SLC2A13: variants seen among roughly 807,000 people sequenced by gnomAD.
SLC2A13 encodes the protein solute carrier family 2 member 13.
A neutral mutation model predicts 64.4 loss-of-function variants in SLC2A13; 32 were observed. The ratio of observed to expected loss-of-function variants is 0.50; its 90% CI spans 0.37 to 0.67. SLC2A13 has a LOEUF of 0.67. Among genes scored for constraint, SLC2A13 ranks in the 30% least tolerant of loss-of-function variants. The pLI is 0.00. For synonymous variants in SLC2A13, 338 were observed against 327.1 expected (o/e 1.03, Z -0.36); for missense variants, 743 against 829.2 (o/e 0.90, Z 1.28).
chr12:39,826,433 T>A (rs1350896234), intron 7 of SLC2A13, among the ~76,000 whole-genome samples: 1 of 151,430 alleles, frequency 6.6e-6, no homozygotes, highest in African/African-American at 2.4e-5. Context: ...AAAACAGTTA[T>A]ATTTAGATGT....
At chr12:39,995,741 T>G (rs112141863) in intron 3 of SLC2A13, among the ~76,000 whole-genome samples, 1 of 152,198 alleles carries the variant, frequency 6.6e-6, no homozygotes, top group East Asian at 1.9e-4. Context: ...TGAGAGGTCA[T>G]TGAATCATGG....
chr12:39,896,142 CTA>C (rs990720741), intron 4 of SLC2A13, among the ~76,000 whole-genome samples: 4 of 141,134 alleles, frequency 2.8e-5, no homozygotes, highest in African/African-American at 1.1e-4. Context: ...ACACGTGTAC[CTA>C]TATATGTATA....
In SLC2A13 at chr12:39,978,463, C is replaced by T. The variant is rs536451722; in HGVS notation, c.926-27098G>A. Among the ~76,000 whole-genome samples the T allele has an allele frequency of 1.9e-3, 285 of 150,916 alleles. 3 individuals are homozygous for T. The highest frequency in any genetic ancestry group is 5.4e-4 in the Non-Finnish European group (36 of 67,116). ...GACAGTGGGCGCAGGCCAGTGGGTG[C>T]GCGCACCGTGCGCGAGCCGAAGCAG... On this transcript the variant is annotated intron_variant, in intron 3 of 9. Coordinates refer to ENST00000280871, the MANE Select transcript of SLC2A13 (RefSeq NM_052885.4).
At chr12:40,003,395 C>T (rs948537735) in intron 3 of SLC2A13, among the ~76,000 whole-genome samples, 2 of 152,092 alleles carry the variant, frequency 1.3e-5, no homozygotes, top group African/African-American at 2.4e-5. Flanking sequence ...AGAGGAGAGA[C>T]AAAAACAACA....
chr12:39,852,692 G>A (rs925314558), intron 6 of SLC2A13, among the ~76,000 whole-genome samples: 2 of 152,158 alleles, frequency 1.3e-5, no homozygotes, highest in Non-Finnish European at 2.9e-5. Context: ...AGGAACAAAA[G>A]GATCAGAGGC....
intron 6 of SLC2A13, among the ~76,000 whole-genome samples, chr12:39,862,086 C>T (rs1943777860): frequency 6.6e-6 from 1 of 152,106 alleles, no homozygotes; most frequent in African/African-American, 2.4e-5. Context: ...TCCTTGTGTC[C>T]CTATGTTCTC....
intron 7 of SLC2A13, among the ~76,000 whole-genome samples, chr12:39,813,462 C>A (rs1465546969): frequency 6.6e-6 from 1 of 152,090 alleles, no homozygotes; most frequent in Non-Finnish European, 1.5e-5. Context: ...TACTCTGAAG[C>A]AAATTTCAGA....
At chr12:39,824,734 A>C (rs1942622551) in intron 7 of SLC2A13, among the ~76,000 whole-genome samples, 1 of 152,146 alleles carries the variant, frequency 6.6e-6, no homozygotes, top group African/African-American at 2.4e-5. Context: ...AATGTCTCTC[A>C]TAGTATGCTA....
intron 1 of SLC2A13, among the ~76,000 whole-genome samples, chr12:40,055,681 G>C (rs1485420546): frequency 6.6e-6 from 1 of 152,028 alleles, no homozygotes; most frequent in African/African-American, 2.4e-5. Flanking sequence ...TTTCCCTAAT[G>C]ATATTCATTA....
chr12:40,055,383 C>T (rs1948318941), intron 1 of SLC2A13, among the ~76,000 whole-genome samples: 1 of 152,138 alleles, frequency 6.6e-6, no homozygotes, highest in African/African-American at 2.4e-5. Flanking sequence ...CTAAAATGAC[C>T]ACTTCTGTTA....
In SLC2A13 at chr12:39,978,469, C is replaced by T. The variant is rs141542061; in HGVS notation, c.926-27104G>A. ...GGGCGCAGGCCAGTGGGTGCGCGCA[C>T]CGTGCGCGAGCCGAAGCAGGGCGAG... On this transcript the variant is annotated intron_variant, in intron 3 of 9. Coordinates refer to ENST00000280871, the MANE Select transcript of SLC2A13 (RefSeq NM_052885.4). 0.037 allele frequency among the ~76,000 whole-genome samples: 5,570 copies of T among 150,880 alleles called. 437 individuals are homozygous for T. The East Asian group carries it at 0.39, about 10-fold the overall frequency.
At chr12:39,984,832 C>A (rs183099510) in intron 3 of SLC2A13, among the ~76,000 whole-genome samples, 1 of 152,042 alleles carries the variant, frequency 6.6e-6, no homozygotes, top group African/African-American at 2.4e-5. Context: ...ACACACAGCC[C>A]TTAGATAGAT....
chr12:40,001,601 G>A (rs544707028), intron 3 of SLC2A13, among the ~76,000 whole-genome samples: 22 of 152,314 alleles, frequency 1.4e-4, no homozygotes, highest in African/African-American at 5.1e-4. Context: ...TAAGAACTGA[G>A]GGAATCAGAA....
chr12:40,093,742 G>A (rs1938842484), intron 1 of SLC2A13, among the ~76,000 whole-genome samples: 1 of 152,134 alleles, frequency 6.6e-6, no homozygotes, highest in African/African-American at 2.4e-5. Flanking sequence ...GATGTCTATT[G>A]TGTTCCTAGA....
chr12:39,895,971 T>C (rs1461754286), intron 4 of SLC2A13, among the ~76,000 whole-genome samples: 1 of 145,134 alleles, frequency 6.9e-6, no homozygotes. Context: ...TATACATGTG[T>C]ATATGTATAC....
Position 40,105,331 on chromosome 12 carries a change from C to T in SLC2A13, c.478G>A (p.Ala160Thr), listed in dbSNP as rs776195804. Reference protein sequence around the residue: ...AILLASALFTAGSAVLAAANN... With the variant: ...AILLASALFTTGSAVLAAANN... ...GCCGCAGCCAGCACCGCGGAGCCGG[C>T]GGTGAAGAGGGCACTGGCCAGGAGG... Residue 160 changes from alanine to threonine, a missense_variant, in exon 1 of 10, where the codon GCC (alanine) becomes ACC (threonine). By Grantham distance (58) the Ala-to-Thr change is moderately conservative. Transcript: ENST00000280871. This position sits in a 1 kb window ranked among gnomAD's most constrained non-coding sequence, Gnocchi z 4.2. 38 of 1,597,100 alleles carry T rather than the reference C, an allele frequency of 2.4e-5. No individual in the cohort carries two copies. Among genetic ancestry groups the T allele is most frequent in the Non-Finnish European group, 3.1e-5 (36 of 1,173,508 alleles).
chr12:40,027,167 A>G (rs2136214910), intron 3 of SLC2A13, among the ~76,000 whole-genome samples: 1 of 152,322 alleles, frequency 6.6e-6, no homozygotes, highest in African/African-American at 2.4e-5. Flanking sequence ...ATTTAAATAG[A>G]TATTTTAAGA....
chr12:39,784,405 C>T (rs1007930315), intron 7 of SLC2A13, among the ~76,000 whole-genome samples: 21 of 152,048 alleles, frequency 1.4e-4, no homozygotes, highest in Non-Finnish European at 2.9e-4. Context: ...GAACAGAGCC[C>T]GCAGAAATAA....
At chr12:40,087,795 T>A (rs1394922043) in intron 1 of SLC2A13, among the ~76,000 whole-genome samples, 1 of 152,164 alleles carries the variant, frequency 6.6e-6, no homozygotes, top group Non-Finnish European at 1.5e-5. Context: ...CTGAGAAACC[T>A]AGGGCTCAGA....
Sources: allele counts gnomAD v4.1 joint callset (sites outside exome capture counted in the v4.1 genomes callset), GRCh38; gene constraint gnomAD v4.1.1; non-coding constraint Gnocchi (gnomAD v3.1); transcripts MANE v1.5; gene names NCBI Gene and HGNC (gene_info 2026-07-23, HGNC 2026-07-21).